Variants in IBSP observed in about 807,000 individuals in gnomAD.
The protein encoded by IBSP is integrin binding sialoprotein, also known as integrin-binding sialoprotein.
A neutral mutation model predicts 25.5 loss-of-function variants in IBSP; 19 were observed. The observed-to-expected ratio is 0.74, with a 90% CI of 0.52 to 1.09. IBSP has a LOEUF of 1.09. Among genes scored for constraint, IBSP ranks in the 50% least tolerant of loss-of-function variants. IBSP has a pLI of 0.00. For synonymous variants in IBSP, 144 were observed against 137.6 expected, an observed-to-expected ratio of 1.05 and a Z score of -0.33; for missense variants, 360 against 382.3, an observed-to-expected ratio of 0.94 and a Z score of 0.49.
chr4:87,809,227 C>T (rs1415727419), intron 5 of IBSP, among the ~76,000 whole-genome samples: 1 of 152,140 alleles, frequency 6.6e-6, no homozygotes, highest in African/African-American at 2.4e-5. Flanking sequence ...CAACAGTAAC[C>T]TATTTTCCTA....
At chr4:87,809,083 C>T (rs555564195) in intron 5 of IBSP, among the ~76,000 whole-genome samples, 3 of 152,246 alleles carry the variant, frequency 2.0e-5, no homozygotes, top group South Asian at 4.1e-4. Context: ...ATGAGGGTTC[C>T]GGTTGCTCCA....
rs750033120 is a variant in IBSP at position 87,811,953 on chromosome 4, C to T, written c.*43C>T. 1.4e-5 allele frequency: 21 copies of T among 1,461,114 alleles called. No individual in the cohort carries two copies. The highest frequency in any genetic ancestry group is 2.4e-5 in the Admixed American group (1 of 41,214). 90.5% of individuals were successfully genotyped at this position (1,461,114 alleles called of 1,614,324 possible). A position where few individuals can be genotyped will look rare whatever the true frequency, so the allele number is the denominator to read the frequency against. Reference sequence around the variant, plus strand: ...AATTCATCCATTCTGGCTTTGCATCCGGCTACCATTTTCGAAGTTCAACTC... The same window carrying T: ...AATTCATCCATTCTGGCTTTGCATCTGGCTACCATTTTCGAAGTTCAACTC... On this transcript the variant is annotated 3_prime_UTR_variant, in exon 7 of 7. Transcript: ENST00000226284.
In IBSP at chr4:87,806,199, A is replaced by C. The variant is rs780109077; in HGVS notation, c.246+15A>C. The stretch of plus-strand genomic sequence containing the variant: ...AGGAAGAAGAGGTAAGGAATTTTGC[A>C]ATCTTTTCGTAATAAAGCAGACAGC... On this transcript the variant is annotated intron_variant, in intron 5 of 6. Transcript: ENST00000226284. 10 of 1,605,280 alleles carry C rather than the reference A, an allele frequency of 6.2e-6. No homozygotes were observed. The highest frequency in any genetic ancestry group is 7.7e-6 in the Non-Finnish European group (9 of 1,174,210).
Position 87,811,984 on chromosome 4 carries a change from G to A in IBSP, c.*74G>A, listed in dbSNP as rs190034163. 8.5e-7 allele frequency: 1 copy of A among 1,180,900 alleles called. No individual in the cohort carries two copies. The highest frequency in any genetic ancestry group is 2.5e-5 in the Admixed American group (1 of 40,038). The allele number at this position is 1,180,900 out of a possible 1,614,324, so 73.2% of individuals were successfully genotyped here. A position where few individuals can be genotyped will look rare whatever the true frequency, so the allele number is the denominator to read the frequency against. The stretch of plus-strand genomic sequence containing the variant: ...CCATTTTCGAAGTTCAACTCAGGAA[G>A]GTGCAATATAACAAATGTGCATATT... On this transcript the variant is annotated 3_prime_UTR_variant, in exon 7 of 7. Transcript: ENST00000226284.
In IBSP at chr4:87,810,588, T is replaced by C; in HGVS notation, c.247-18T>C. On this transcript the variant is annotated intron_variant, in intron 5 of 6. Transcript: ENST00000226284. ...TTCCAGGTAAAATAATTTTTCTTACTATGAATATTTTTAACAGGAGACTTC... is the reference window on the plus strand; with the variant it reads ...TTCCAGGTAAAATAATTTTTCTTACCATGAATATTTTTAACAGGAGACTTC... The C allele has an allele frequency of 6.4e-7, 1 of 1,565,592 alleles. No homozygotes were observed. Among genetic ancestry groups the C allele is most frequent in the Non-Finnish European group, 8.8e-7 (1 of 1,137,212 alleles).
chr4:87,806,982 G>A (rs1023072095), intron 5 of IBSP, among the ~76,000 whole-genome samples: 3 of 151,646 alleles, frequency 2.0e-5, no homozygotes, highest in African/African-American at 4.8e-5. Context: ...TCCAGTCTGC[G>A]CAACAGAGCA....
chr4:87,807,639 T>C (rs1242674040), intron 5 of IBSP, among the ~76,000 whole-genome samples: 1 of 152,224 alleles, frequency 6.6e-6, no homozygotes, highest in Non-Finnish European at 1.5e-5. Context: ...GCATAACTTT[T>C]GGGAGTGGCT....
At chr4:87,803,556 T>C (rs1346955110) in intron 4 of IBSP, among the ~76,000 whole-genome samples, 1 of 152,314 alleles carries the variant, frequency 6.6e-6, no homozygotes, top group East Asian at 1.9e-4. Context: ...TATGCACCAC[T>C]TGACCCAGGA....
In IBSP at chr4:87,811,549, GAGA is replaced by G. The variant is rs1317267943; in HGVS notation, c.599_601del (p.Glu200del). 2.5e-6 allele frequency: 4 copies of G among 1,613,794 alleles called. No homozygotes were observed. The Admixed American group carries it at 6.7e-5, about 27-fold the overall frequency. On this transcript the variant is annotated inframe_deletion, in exon 7 of 7. Transcript: ENST00000226284. The stretch of plus-strand genomic sequence containing the variant: ...AACGGCAGCAGCGGAGGAGACAATG[GAGA>G]AGAAGGGGAAGAAGAAAGTGTCACT...
intron 1 of IBSP, among the ~76,000 whole-genome samples, chr4:87,799,972 C>G (rs1721989190): frequency 6.6e-6 from 1 of 152,102 alleles, no homozygotes; most frequent in African/African-American, 2.4e-5. Flanking sequence ...GCAAATCTGG[C>G]TAGATATATG....
intron 4 of IBSP, among the ~76,000 whole-genome samples, chr4:87,804,019 A>T (rs1300689429): frequency 6.6e-6 from 1 of 152,206 alleles, no homozygotes; most frequent in Non-Finnish European, 1.5e-5. Flanking sequence ...CAATATTAGG[A>T]GGCATTACAT....
intron 1 of IBSP, among the ~76,000 whole-genome samples, chr4:87,801,101 GA>G (rs1379764816): frequency 2.0e-5 from 3 of 152,062 alleles, no homozygotes; most frequent in Non-Finnish European, 4.4e-5. Flanking sequence ...TACTCATGAG[GA>G]ATTTATGTGG....
intron 3 of IBSP, 47 bp downstream of exon 3, chr4:87,802,605 T>C: frequency 1.9e-6 from 3 of 1,570,332 alleles, no homozygotes; most frequent in Non-Finnish European, 2.6e-6. Flanking sequence ...ACTTGCTGTA[T>C]ATTTATTGCA....
At chr4:87,804,635 C>T (rs1466232154) in intron 4 of IBSP, among the ~76,000 whole-genome samples, 2 of 151,780 alleles carry the variant, frequency 1.3e-5, no homozygotes, top group Non-Finnish European at 2.9e-5. Context: ...TCTTCAATTT[C>T]AGAACTCTTT....
Position 87,811,777 on chromosome 4 carries a change from G to T in IBSP, c.821G>T (p.Gly274Val). ...EYTGANEYDN[G>V]YEIYESENGE... Reference sequence around the variant, plus strand: ...ACGGGCGCCAATGAATACGACAATGGATATGAAATCTATGAAAGTGAGAAC... The same window carrying T: ...ACGGGCGCCAATGAATACGACAATGTATATGAAATCTATGAAAGTGAGAAC... Residue 274 changes from glycine (G) to valine (V), a missense_variant, in exon 7 of 7, where the codon GGA (glycine) becomes GTA (valine). Gly to Val is a moderately radical substitution (Grantham distance 109). Transcript: ENST00000226284. 3 of 1,613,800 alleles carry T rather than the reference G, an allele frequency of 1.9e-6. No individual in the cohort carries two copies. Among genetic ancestry groups the T allele is most frequent in the Non-Finnish European group, 1.7e-6 (2 of 1,179,870 alleles).
intron 1 of IBSP, among the ~76,000 whole-genome samples, chr4:87,801,518 A>G (rs531819233): frequency 1.7e-3 from 253 of 150,250 alleles, no homozygotes; most frequent in African/African-American, 5.5e-3. Context: ...ACACACACGC[A>G]TATACACACA....
intron 6 of IBSP, 100 bp from the exon 7 acceptor site, chr4:87,811,262 C>G: frequency 7.5e-7 from 1 of 1,340,590 alleles, no homozygotes. Flanking sequence ...AAATAAGACG[C>G]CTAGAATAAG....
chr4:87,810,522 T>C, intron 5 of IBSP, 84 bp from the exon 6 acceptor site: 1 of 1,115,862 alleles, frequency 9.0e-7, no homozygotes, highest in Admixed American at 2.0e-5. Context: ...ATAATAAACC[T>C]TCAATAAATG....
At chr4:87,800,173 C>T (rs538602975) in intron 1 of IBSP, among the ~76,000 whole-genome samples, 2 of 152,082 alleles carry the variant, frequency 1.3e-5, no homozygotes, top group Non-Finnish European at 2.9e-5. Flanking sequence ...AAATTAAATC[C>T]TCAAAATTCT....
Sources: gnomAD v4.1 joint callset for allele counts (sites outside exome capture counted in the v4.1 genomes callset) on GRCh38, gnomAD v4.1.1 for gene constraint, MANE v1.5 for transcripts, NCBI Gene and HGNC (gene_info 2026-07-23, HGNC 2026-07-21) for gene names.